RHOA: variants seen among roughly 807,000 people sequenced by gnomAD.
RHOA encodes the protein transforming protein RhoA.
Under a neutral mutation model 17.5 loss-of-function variants are expected in RHOA, and 3 were observed. That is an observed-to-expected ratio of 0.17 (90% CI 0.08 to 0.44). The LOEUF (loss-of-function observed/expected upper bound fraction) is 0.44, where lower values mean the gene tolerates loss of function less well. Among genes scored for constraint, RHOA ranks in the 20% least tolerant of loss-of-function variants. The probability of loss-of-function intolerance (pLI) is 0.99; values close to 1 mark genes in which losing one functional copy is unlikely to be tolerated. For synonymous variants in RHOA, 98 were observed against 88.4 expected (o/e 1.11, Z -0.61); for missense variants, 56 against 242.3 (o/e 0.23, Z 5.10).
At chr3:49,399,481 A>T (rs2048684032) in intron 1 of RHOA, among the ~76,000 whole-genome samples, 1 of 152,172 alleles carries the variant, frequency 6.6e-6, no homozygotes, top group Non-Finnish European at 1.5e-5. Flanking sequence ...ATGGCGGGAT[A>T]CATAGATATA....
At chr3:49,377,829 A>T (rs1271780263) in intron 1 of RHOA, among the ~76,000 whole-genome samples, 3 of 151,552 alleles carry the variant, frequency 2.0e-5, no homozygotes. Flanking sequence ...CTGGCTCAGG[A>T]TCTCTTGCAA....
At chr3:49,410,702 T>A (rs1444569885) in intron 1 of RHOA, among the ~76,000 whole-genome samples, 3 of 152,228 alleles carry the variant, frequency 2.0e-5, no homozygotes, top group Non-Finnish European at 4.4e-5. Flanking sequence ...TGATACTAAG[T>A]GGTTGAAAAA....
intron 1 of RHOA, among the ~76,000 whole-genome samples, chr3:49,395,102 A>C (rs1245432920): frequency 2.0e-5 from 3 of 151,294 alleles, no homozygotes; most frequent in East Asian, 1.9e-4. Flanking sequence ...ACAAAAAAAA[A>C]CAGCCGGGTG....
chr3:49,391,806 C>T lies in RHOA; in HGVS notation c.-2-16215G>A, dbSNP rs569844502. 1.3e-4 allele frequency among the ~76,000 whole-genome samples: 19 copies of T among 145,646 alleles called. No homozygotes were observed. In the South Asian group the frequency reaches 2.6e-3, roughly 20 times the overall value. ...GATTACAGGCGTGAGCCACTGTGCC[C>T]GGCCTAATTAATTTATCTTTTTTTT... is the stretch of plus-strand genomic sequence containing the variant. On this transcript the variant is annotated intron_variant, in intron 1 of 4. Transcript: ENST00000418115.
At chr3:49,368,898 G>A (rs1293237495) in intron 2 of RHOA, among the ~76,000 whole-genome samples, 5 of 150,328 alleles carry the variant, frequency 3.3e-5, no homozygotes, top group Non-Finnish European at 4.4e-5. Flanking sequence ...TAGTAGAGAC[G>A]GGGTTTCACT....
chr3:49,401,028 A>AGGAAT (rs2048714723), intron 1 of RHOA, among the ~76,000 whole-genome samples: 1 of 99,464 alleles, frequency 1.0e-5, no homozygotes, highest in African/African-American at 3.9e-5. Context: ...CCTGGGCGAC[A>AGGAAT]GAGACTCCGT....
intron 1 of RHOA, among the ~76,000 whole-genome samples, chr3:49,411,312 A>G (rs2107920819): frequency 6.6e-6 from 1 of 152,378 alleles, no homozygotes. Flanking sequence ...CTGCATTAAA[A>G]GAAAACCTAC....
In RHOA at chr3:49,404,209, G is replaced by A. The variant is rs190129321; in HGVS notation, c.-3+7611C>T. Among the ~76,000 whole-genome samples, 31 of 148,206 alleles carry A rather than the reference G, an allele frequency of 2.1e-4. No individual in the cohort carries two copies. The South Asian group carries it at 2.1e-3, about 10-fold the overall frequency. ...TCCCAGCTACTAGGGAGGACGAGGC[G>A]TAAGGATACCTTGACACCAAAAGTT... On this transcript the variant is annotated intron_variant, in intron 1 of 4. Transcript: ENST00000418115.
chr3:49,365,721 G>C (rs959289529), intron 3 of RHOA, among the ~76,000 whole-genome samples: 2 of 151,174 alleles, frequency 1.3e-5, no homozygotes, highest in African/African-American at 4.9e-5. Flanking sequence ...CTCCTGAGTA[G>C]CTGGGATTAC....
intron 4 of RHOA, 49 bp downstream of exon 4, chr3:49,362,447 G>A: frequency 3.3e-6 from 5 of 1,518,978 alleles, no homozygotes; most frequent in Non-Finnish European, 4.4e-6. Flanking sequence ...CTCCAAACTT[G>A]GGGCCCTAGT....
chr3:49,370,984 T>A (rs188765514), intron 2 of RHOA, among the ~76,000 whole-genome samples: 1 of 152,190 alleles, frequency 6.6e-6, no homozygotes, highest in Non-Finnish European at 1.5e-5. Context: ...ACTTCTGTCA[T>A]GCAAACCATC....
chr3:49,378,264 T>C (rs1291337602), intron 1 of RHOA, among the ~76,000 whole-genome samples: 1 of 95,442 alleles, frequency 1.0e-5, no homozygotes, highest in Non-Finnish European at 2.1e-5. Flanking sequence ...TTTTTTTTTT[T>C]GAGATGAGGT....
chr3:49,383,976 G>A (rs982262496), intron 1 of RHOA, among the ~76,000 whole-genome samples: 2 of 152,162 alleles, frequency 1.3e-5, no homozygotes, highest in Non-Finnish European at 2.9e-5. Context: ...GTTGCAGTGA[G>A]CCGAGATTGC....
rs2107825880 is a variant in RHOA, at chr3:49,360,239, C to T, written c.552G>A (p.Gly184=). 1 of 1,612,920 alleles carries T rather than the reference C, an allele frequency of 6.2e-7. No homozygotes were observed. Among genetic ancestry groups the T allele is most frequent in the Non-Finnish European group, 8.5e-7 (1 of 1,179,684 alleles). ...ATRAALQARR[G]KKKSGCLVL ...AGACAAGGCACCCAGATTTTTTCTTCCCACGTCTAGCTTGCAGAGCAGCTC... is the reference window on the plus strand; with the variant it reads ...AGACAAGGCACCCAGATTTTTTCTTTCCACGTCTAGCTTGCAGAGCAGCTC... The change falls in exon 5 of 5, where the codon GGG becomes GGA. Residue 184 remains glycine (G), a synonymous_variant. Coordinates refer to ENST00000418115, the MANE Select transcript of RHOA (RefSeq NM_001664.4).
At chr3:49,407,889 T>C (rs2048861283) in intron 1 of RHOA, among the ~76,000 whole-genome samples, 1 of 152,108 alleles carries the variant, frequency 6.6e-6, no homozygotes, top group Admixed American at 6.6e-5. Flanking sequence ...TGGCCAGACA[T>C]AGTGGCTCTC....
intron 1 of RHOA, among the ~76,000 whole-genome samples, chr3:49,400,774 G>A (rs546544227): frequency 7.2e-5 from 11 of 151,842 alleles, no homozygotes; most frequent in South Asian, 2.1e-4. Flanking sequence ...AGCCGGGCAC[G>A]GTGGCTCACG....
intron 3 of RHOA, chr3:49,366,815 A>G (rs2107836061): frequency 6.6e-6 from 1 of 151,566 alleles, no homozygotes; most frequent in African/African-American, 2.4e-5. Context: ...CAACACAATC[A>G]CTCTAACACT....
chr3:49,371,309 C>T (rs1248401375), intron 2 of RHOA, among the ~76,000 whole-genome samples: 2 of 144,900 alleles, frequency 1.4e-5, no homozygotes, highest in Non-Finnish European at 3.0e-5. Context: ...GACAGAGTTT[C>T]GCCCTTGTCG....
chr3:49,373,457 A>G (rs972804949), intron 2 of RHOA: 5 of 154,736 alleles, frequency 3.2e-5, no homozygotes, highest in African/African-American at 1.2e-4. Flanking sequence ...AAAAATGAGA[A>G]TGTTGGAGAA....
Sources: allele counts gnomAD v4.1 joint callset (sites outside exome capture counted in the v4.1 genomes callset), GRCh38; gene constraint gnomAD v4.1.1; transcripts MANE v1.5; gene names NCBI Gene and HGNC (gene_info 2026-07-23, HGNC 2026-07-21).